CHRM3: variants seen among roughly 807,000 people sequenced by gnomAD.
CHRM3 encodes the protein muscarinic acetylcholine receptor M3.
Under a neutral mutation model 41.8 loss-of-function variants are expected in CHRM3, and 11 were observed. The observed-to-expected ratio is 0.26, with a 90% CI of 0.17 to 0.44. CHRM3 has a LOEUF of 0.44. Ranked by LOEUF, CHRM3 falls within the 20% of genes least tolerant of loss-of-function variation. CHRM3 has a pLI of 1.00. For missense variants in CHRM3, 571 were observed against 745.4 expected, an observed-to-expected ratio of 0.77 and a Z score of 2.72; for synonymous variants, 297 against 301.4, an observed-to-expected ratio of 0.99 and a Z score of 0.15.
At chr1:239,900,066 T>C (rs16839051) in intron 6 of CHRM3, among the ~76,000 whole-genome samples, 22,020 of 152,240 alleles carry the variant, frequency 0.14, 2,124 homozygotes, top group African/African-American at 0.26. Context: ...AAAGACTTCC[T>C]GTAGGTCCCC....
chr1:239,893,062 T>G (rs1678680898), intron 6 of CHRM3, among the ~76,000 whole-genome samples: 1 of 152,184 alleles, frequency 6.6e-6, no homozygotes, highest in African/African-American at 2.4e-5. Flanking sequence ...ACTGGCCCAG[T>G]CTCAGAACCT....
At chr1:239,706,577 AAGGCATGCAC>A (rs1661186192) in intron 5 of CHRM3, 1 of 150,332 alleles carries the variant, frequency 6.7e-6, no homozygotes, top group Admixed American at 6.6e-5. Context: ...CACACACACA[AAGGCATGCAC>A]AGGCATGCAC....
intron 1 of CHRM3, among the ~76,000 whole-genome samples, chr1:239,426,147 T>G (rs1322528569): frequency 8.6e-5 from 2 of 23,228 alleles, no homozygotes; most frequent in African/African-American, 4.3e-4. Flanking sequence ...CCCTCCCCCC[T>G]CCCCCCTCCC....
At chr1:239,704,127 G>C (rs1660926718) in intron 5 of CHRM3, 1 of 152,088 alleles carries the variant, frequency 6.6e-6, no homozygotes, top group East Asian at 1.9e-4. Flanking sequence ...CCTCTTTACA[G>C]CTCTTTTGGA....
intron 1 of CHRM3, among the ~76,000 whole-genome samples, chr1:239,491,775 G>A (rs767185564): frequency 6.6e-5 from 10 of 152,168 alleles, no homozygotes; most frequent in Admixed American, 1.3e-4. Flanking sequence ...GTTTTTTGCA[G>A]TGGCTGTAAT....
chr1:239,404,410 A>AAGAAAAAGAAAG (rs1210507333), intron 1 of CHRM3, among the ~76,000 whole-genome samples: 14 of 51,718 alleles, frequency 2.7e-4, no homozygotes, highest in African/African-American at 7.1e-4. Flanking sequence ...GAAAGAAAGA[A>AAGAAAAAGAAAG]AAAGAAAGAA....
At chr1:239,429,870 T>C (rs1008640775) in intron 1 of CHRM3, among the ~76,000 whole-genome samples, 1 of 151,942 alleles carries the variant, frequency 6.6e-6, no homozygotes, top group Non-Finnish European at 1.5e-5. Context: ...TTCTGCCGTC[T>C]TTATGCTTGT....
intron 5 of CHRM3, among the ~76,000 whole-genome samples, chr1:239,737,151 G>A (rs1429707464): frequency 1.3e-5 from 2 of 151,976 alleles, no homozygotes; most frequent in Admixed American, 6.6e-5. Context: ...TTACAATGAT[G>A]TGCCTAAATC....
At chr1:239,814,908 T>C (rs1671449963) in intron 5 of CHRM3, among the ~76,000 whole-genome samples, 1 of 152,136 alleles carries the variant, frequency 6.6e-6, no homozygotes, top group African/African-American at 2.4e-5. Context: ...GACACGTAGC[T>C]GGGATTACAG....
intron 3 of CHRM3, among the ~76,000 whole-genome samples, chr1:239,580,108 C>T (rs558579492): frequency 2.0e-5 from 3 of 152,194 alleles, no homozygotes; most frequent in Admixed American, 6.6e-5. Flanking sequence ...TGATAAGTAC[C>T]TTGTGCATCC....
chr1:239,612,715 G>A (rs190891408), intron 3 of CHRM3, among the ~76,000 whole-genome samples: 23 of 152,270 alleles, frequency 1.5e-4, no homozygotes, highest in Non-Finnish European at 3.2e-4. Context: ...TCATATCACA[G>A]TTCTTACAGG....
At chr1:239,589,461 T>A in intron 3 of CHRM3, among the ~76,000 whole-genome samples, 1 of 151,102 alleles carries the variant, frequency 6.6e-6, no homozygotes, top group East Asian at 2.0e-4. Context: ...CATAAAACTA[T>A]GTGTATACAT....
At chr1:239,716,934 G>GGC (rs1285555189) in intron 5 of CHRM3, among the ~76,000 whole-genome samples, 7 of 151,924 alleles carry the variant, frequency 4.6e-5, no homozygotes, top group Non-Finnish European at 8.8e-5. Flanking sequence ...CCATCCATAT[G>GGC]GCATATTTGA....
At chr1:239,487,226 G>T (rs1034634456) in intron 1 of CHRM3, among the ~76,000 whole-genome samples, 3 of 152,026 alleles carry the variant, frequency 2.0e-5, no homozygotes, top group African/African-American at 7.2e-5. Flanking sequence ...TAGGATTTTT[G>T]TGCATGATAG....
intron 4 of CHRM3, among the ~76,000 whole-genome samples, chr1:239,643,688 A>G (rs1370913563): frequency 1.3e-5 from 2 of 152,134 alleles, no homozygotes; most frequent in Non-Finnish European, 2.9e-5. Context: ...TTCTTTGACT[A>G]GAAAAGGGAA....
chr1:239,539,640 TC>T (rs1041951183), intron 2 of CHRM3, among the ~76,000 whole-genome samples: 3 of 152,168 alleles, frequency 2.0e-5, no homozygotes, highest in African/African-American at 7.2e-5. Context: ...TGTTTTTGTT[TC>T]TGTTTTGAGA....
chr1:239,833,306 T>G (rs114776090), intron 6 of CHRM3, among the ~76,000 whole-genome samples: 11,047 of 152,220 alleles, frequency 0.073, 599 homozygotes, highest in Non-Finnish European at 0.11. Flanking sequence ...GCAAGCTCCT[T>G]GACTGCTCAT....
At chr1:239,767,298 T>G (rs1376228610) in intron 5 of CHRM3, among the ~76,000 whole-genome samples, 1 of 152,194 alleles carries the variant, frequency 6.6e-6, no homozygotes, top group Admixed American at 6.5e-5. Flanking sequence ...TGTGTGGTCC[T>G]TAGAAATATA....
chr1:239,824,680 T>C (rs1454121970), intron 5 of CHRM3, among the ~76,000 whole-genome samples: 1 of 152,196 alleles, frequency 6.6e-6, no homozygotes, highest in Admixed American at 6.5e-5. Flanking sequence ...GAGTTAGCTG[T>C]TAAGAACACA....
Sources: gnomAD v4.1 joint callset for allele counts (sites outside exome capture counted in the v4.1 genomes callset) on GRCh38, gnomAD v4.1.1 for gene constraint, MANE v1.5 for transcripts, NCBI Gene and HGNC (gene_info 2026-07-23, HGNC 2026-07-21) for gene names.